The following CADPS variants were observed in gnomAD, a reference collection of about 807,000 sequenced individuals.
The protein encoded by CADPS is calcium dependent secretion activator, also known as calcium-dependent secretion activator 1.
CADPS carries 57 observed loss-of-function variants against 167.3 expected under a neutral mutation model. That is an observed-to-expected ratio of 0.34 (90% CI 0.28 to 0.42). The LOEUF is 0.42. CADPS is among the 20% of genes least tolerant of loss of function. CADPS has a pLI of 1.00. For missense variants in CADPS, 1,414 were observed against 1,738.1 expected (o/e 0.81, Z 3.32); for synonymous variants, 676 against 635.3 (o/e 1.06, Z -0.96).
At chr3:62,564,497 C>A (rs1286465345) in intron 9 of CADPS, among the ~76,000 whole-genome samples, 1 of 151,916 alleles carries the variant, frequency 6.6e-6, no homozygotes, top group Non-Finnish European at 1.5e-5. Flanking sequence ...TGATTGTCCA[C>A]ATTATTAGAG....
chr3:62,604,959 C>T (rs1578658273), intron 6 of CADPS, among the ~76,000 whole-genome samples: 1 of 152,228 alleles, frequency 6.6e-6, no homozygotes, highest in South Asian at 2.1e-4. Flanking sequence ...TAATTTCCAA[C>T]ACTGGGTGTT....
At chr3:62,554,208 A>T (rs77399909) in intron 10 of CADPS, among the ~76,000 whole-genome samples, 202 of 152,356 alleles carry the variant, frequency 1.3e-3, no homozygotes, top group Middle Eastern at 3.4e-3. Flanking sequence ...CAAACCATAC[A>T]CAGGGAAAGG....
intron 1 of CADPS, among the ~76,000 whole-genome samples, chr3:62,809,206 A>G (rs2094271139): frequency 6.6e-6 from 1 of 152,174 alleles, no homozygotes; most frequent in Non-Finnish European, 1.5e-5. Flanking sequence ...TCTAGATGTT[A>G]GTGATCTTTA....
intron 3 of CADPS, among the ~76,000 whole-genome samples, chr3:62,726,471 C>T (rs955290614): frequency 2.0e-5 from 3 of 151,896 alleles, no homozygotes; most frequent in African/African-American, 7.3e-5. Flanking sequence ...GTAGATCAGG[C>T]CTTAGCCACA....
chr3:62,491,217 G>A, intron 21 of CADPS, 122 bp downstream of exon 21: 2 of 1,113,602 alleles, frequency 1.8e-6, no homozygotes, highest in Non-Finnish European at 2.6e-6. Flanking sequence ...TAGAAGAAAT[G>A]TATGGTGTTT....
intron 1 of CADPS, among the ~76,000 whole-genome samples, chr3:62,769,930 A>T (rs1351634367): frequency 6.6e-6 from 1 of 152,164 alleles, no homozygotes; most frequent in Non-Finnish European, 1.5e-5. Context: ...TAAAAAGATG[A>T]AAAGGAAATG....
intron 5 of CADPS, among the ~76,000 whole-genome samples, chr3:62,646,182 G>C (rs1425413893): frequency 7.7e-6 from 1 of 129,648 alleles, no homozygotes; most frequent in African/African-American, 3.0e-5. Flanking sequence ...TTTTTTTTGA[G>C]ATGGAGTCTC....
intron 3 of CADPS, among the ~76,000 whole-genome samples, chr3:62,673,832 T>C (rs568948518): frequency 6.6e-6 from 1 of 152,284 alleles, no homozygotes; most frequent in Non-Finnish European, 1.5e-5. Flanking sequence ...GGAAATGAAA[T>C]GCCTTTTTGT....
chr3:62,792,132 C>T (rs1031047606), intron 1 of CADPS, among the ~76,000 whole-genome samples: 8 of 151,922 alleles, frequency 5.3e-5, no homozygotes, highest in Middle Eastern at 3.4e-3. Context: ...CACTTCAGTA[C>T]GGACATATTG....
chr3:62,622,048 C>A (rs1869113), intron 6 of CADPS, among the ~76,000 whole-genome samples: 16,142 of 152,094 alleles, frequency 0.11, 986 homozygotes, highest in Middle Eastern at 0.2. Context: ...CTGGATAAAT[C>A]CAGCCCTTGC....
At chr3:62,700,162 A>C (rs966620221) in intron 3 of CADPS, among the ~76,000 whole-genome samples, 1 of 152,128 alleles carries the variant, frequency 6.6e-6, no homozygotes, top group African/African-American at 2.4e-5. Flanking sequence ...GCTAAGACCT[A>C]TGGTAAGAAA....
intron 1 of CADPS, among the ~76,000 whole-genome samples, chr3:62,802,503 A>G (rs2093831324): frequency 6.6e-6 from 1 of 152,162 alleles, no homozygotes; most frequent in African/African-American, 2.4e-5. Context: ...TCTCTCTAAC[A>G]GGTGCCCAGC....
At position 62,525,456 on chromosome 3, in the gene CADPS, C is replaced by T. The variant is rs115668129; in HGVS notation, c.2292-7206G>A. On this transcript the variant is annotated intron_variant, in intron 13 of 29. Transcript: ENST00000383710. Reference sequence around the variant, plus strand: ...CCTGTACTTGCTCAGAATTGGAAGGCCAGCCAGCAACATGCTCATGTTCAC... The same window carrying T: ...CCTGTACTTGCTCAGAATTGGAAGGTCAGCCAGCAACATGCTCATGTTCAC... Among the ~76,000 whole-genome samples the T allele has an allele frequency of 5.2e-3, 792 of 152,186 alleles. 9 individuals are homozygous for T. The highest frequency in any genetic ancestry group is 0.018 in the African/African-American group (750 of 41,528).
chr3:62,829,296 T>A (rs925503970), intron 1 of CADPS, among the ~76,000 whole-genome samples: 2 of 152,174 alleles, frequency 1.3e-5, no homozygotes, highest in African/African-American at 4.8e-5. Context: ...TAACAACTAT[T>A]TATATAGCAT....
chr3:62,748,815 C>A (rs2082091378), intron 3 of CADPS, among the ~76,000 whole-genome samples: 1 of 152,128 alleles, frequency 6.6e-6, no homozygotes, highest in Non-Finnish European at 1.5e-5. Flanking sequence ...TCAAGTGATC[C>A]TCCCACCTCA....
Position 62,753,719 on chromosome 3 carries a change from C to A in CADPS, c.610G>T (p.Ala204Ser). 6.2e-7 allele frequency: 1 copy of A among 1,614,094 alleles called. No homozygotes were observed. Among genetic ancestry groups the A allele is most frequent in the Non-Finnish European group, 8.5e-7 (1 of 1,180,012 alleles). The change falls in exon 3 of 30, where the codon GCC becomes TCC. Residue 204 changes from alanine (A) to serine (S), a missense_variant. Physicochemically the swap from Ala to Ser is moderately conservative, Grantham distance 99 (BLOSUM62 1). Around this residue, in one of 6 missense-constraint regions of CADPS, gnomAD observed 522 missense variants for 559.5 expected, o/e 0.93. Transcript: ENST00000383710. The surrounding 1 kb of genome is among the most constrained non-coding windows in gnomAD (Gnocchi z 4.6). ...ARMVQSGGCS[A>S]NDSREVFKKH... is the part of the protein sequence containing the mutation. ...TTGAAGACCTCCCGGGAGTCGTTGG[C>A]GGAACAGCCTCCACTCTGAACCATG...
chr3:62,811,617 C>A (rs2094399145), intron 1 of CADPS, among the ~76,000 whole-genome samples: 1 of 152,254 alleles, frequency 6.6e-6, no homozygotes, highest in Non-Finnish European at 1.5e-5. Flanking sequence ...AGTTACTTCT[C>A]TTCCTTCTCT....
At chr3:62,857,843 C>T (rs1218760997) in intron 1 of CADPS, among the ~76,000 whole-genome samples, 1 of 151,794 alleles carries the variant, frequency 6.6e-6, no homozygotes, top group Non-Finnish European at 1.5e-5. Context: ...TTAATGAATT[C>T]ATTTTGCTTA....
At chr3:62,445,831 G>GGT in intron 26 of CADPS, 34 bp from the exon 27 acceptor site, 5 of 1,456,124 alleles carry the variant, frequency 3.4e-6, no homozygotes, top group Non-Finnish European at 4.5e-6. Flanking sequence ...AAGTGAGGCT[G>GGT]GTGTTTATGT....
Sources: allele counts gnomAD v4.1 joint callset (sites outside exome capture counted in the v4.1 genomes callset), GRCh38; gene constraint gnomAD v4.1.1; regional missense constraint gnomAD v4.1.1; non-coding constraint Gnocchi (gnomAD v3.1); transcripts MANE v1.5; gene names NCBI Gene and HGNC (gene_info 2026-07-23, HGNC 2026-07-21).